Variants in RPS6KA2 observed in about 807,000 individuals in gnomAD.
RPS6KA2 encodes ribosomal protein S6 kinase alpha-2.
RPS6KA2 carries 42 observed loss-of-function variants against 91.8 expected under a neutral mutation model. The ratio of observed to expected loss-of-function variants is 0.46; its 90% confidence interval spans 0.36 to 0.59. The LOEUF is 0.59. Among genes scored for constraint, RPS6KA2 ranks in the 20% least tolerant of loss-of-function variants. RPS6KA2 has a pLI of 0.00. For missense variants in RPS6KA2, 798 were observed against 978.5 expected (o/e 0.82, Z 2.46); for synonymous variants, 414 against 393.6 (o/e 1.05, Z -0.61).
chr6:166,842,923 G>C (rs1045653786), intron 2 of RPS6KA2, among the ~76,000 whole-genome samples: 1 of 152,068 alleles, frequency 6.6e-6, no homozygotes, highest in Admixed American at 6.5e-5. Context: ...GAACTTTATC[G>C]CTGCTGCAGG....
In RPS6KA2 at chr6:166,524,719, C is replaced by G. The variant is rs776549888; in HGVS notation, c.298+6513G>C. On this transcript the variant is annotated intron_variant, in intron 3 of 20. Coordinates refer to ENST00000265678, the MANE Select transcript of RPS6KA2 (RefSeq NM_021135.6). ...TTGAGCCGGCAGCACTCTGCACACT[C>G]TAACAAGGGAGAGCCTCACGTCGGC... 9.9e-5 allele frequency among the ~76,000 whole-genome samples: 15 copies of G among 152,232 alleles called. 1 individual carries two copies. Among genetic ancestry groups the G allele is most frequent in the Non-Finnish European group, 1.9e-4 (13 of 68,042 alleles).
At chr6:166,853,925 C>T (rs757352409) in intron 2 of RPS6KA2, among the ~76,000 whole-genome samples, 11 of 152,238 alleles carry the variant, frequency 7.2e-5, no homozygotes, top group Non-Finnish European at 1.3e-4. Flanking sequence ...GCCAGGGCCT[C>T]GCCTGCTCAC....
At chr6:166,848,848 C>G (rs996927600) in intron 2 of RPS6KA2, among the ~76,000 whole-genome samples, 1 of 151,964 alleles carries the variant, frequency 6.6e-6, no homozygotes, top group Non-Finnish European at 1.5e-5. Flanking sequence ...GAAATCACCA[C>G]TAAAGAACTT....
At chr6:166,861,733 G>C (rs1452716420) in intron 1 of RPS6KA2, among the ~76,000 whole-genome samples, 2 of 152,260 alleles carry the variant, frequency 1.3e-5, no homozygotes, top group Middle Eastern at 6.8e-3. Context: ...CAAATGGAAG[G>C]CTTCTAATTT....
intron 2 of RPS6KA2, among the ~76,000 whole-genome samples, chr6:166,788,158 A>G (rs1236168494): frequency 6.6e-6 from 1 of 152,216 alleles, no homozygotes; most frequent in Non-Finnish European, 1.5e-5. Flanking sequence ...ACTAGTCAGA[A>G]TGGCAATCAT....
At chr6:166,667,517 T>C (rs1483262620) in intron 2 of RPS6KA2, among the ~76,000 whole-genome samples, 6 of 152,202 alleles carry the variant, frequency 3.9e-5, no homozygotes. Context: ...CCTTCTAATG[T>C]CGCCATAGAT....
intron 3 of RPS6KA2, among the ~76,000 whole-genome samples, chr6:166,515,287 G>A (rs1002530978): frequency 2.0e-5 from 3 of 152,204 alleles, no homozygotes; most frequent in Admixed American, 6.5e-5. Context: ...ACTCATGGCC[G>A]ATTCATCAGG....
chr6:166,460,505 G>A (rs898347589), intron 11 of RPS6KA2, among the ~76,000 whole-genome samples: 1 of 152,184 alleles, frequency 6.6e-6, no homozygotes, highest in African/African-American at 2.4e-5. Context: ...GGCACTGGAG[G>A]GAGGACTGGG....
chr6:166,762,765 A>G (rs566007692), intron 2 of RPS6KA2, among the ~76,000 whole-genome samples: 1 of 152,276 alleles, frequency 6.6e-6, no homozygotes, highest in East Asian at 1.9e-4. Flanking sequence ...GACTTCTGGG[A>G]GCCAACAAGG....
At position 166,647,982 on chromosome 6, in the gene RPS6KA2, ACACACACGCACATGCT is replaced by A. The variant is rs1409010766; in HGVS notation, c.124-109214_124-109199del. Among the ~76,000 whole-genome samples, 405 of 104,078 alleles carry A rather than the reference ACACACACGCACATGCT, an allele frequency of 3.9e-3. 2 individuals are homozygous for A. The East Asian group carries it at 0.068, about 17-fold the overall frequency. The allele number at this position is 104,078 out of a possible 152,430, so 68.3% of individuals were successfully genotyped here. ...TGCTTACATACATACACACATGCTC[ACACACACGCACATGCT>A]CACACACGCACATGCTTACACACAT... is the stretch of plus-strand genomic sequence containing the variant. On this transcript the variant is annotated intron_variant, in intron 2 of 21. Coordinates refer to the RPS6KA2 transcript ENST00000503859.
In RPS6KA2 at chr6:166,821,402, G is replaced by A. The variant is rs1019783918; in HGVS notation, c.123+36798C>T. On this transcript the variant is annotated intron_variant, in intron 2 of 21. Coordinates refer to the RPS6KA2 transcript ENST00000503859. The surrounding 1 kb of genome is among the most constrained non-coding windows in gnomAD (Gnocchi z 4.1). Reference sequence around the variant, plus strand: ...GGGTGCGCTTCACATGCGTGGGGCTGTAGGATGGAGGGGTGGAGAGGCAGG... The same window carrying A: ...GGGTGCGCTTCACATGCGTGGGGCTATAGGATGGAGGGGTGGAGAGGCAGG... 2.6e-5 allele frequency among the ~76,000 whole-genome samples: 4 copies of A among 152,124 alleles called. No individual in the cohort carries two copies. In the South Asian group the frequency reaches 8.3e-4, roughly 31 times the overall value.
chr6:166,719,537 C>T (rs759255608), intron 2 of RPS6KA2, among the ~76,000 whole-genome samples: 5 of 152,224 alleles, frequency 3.3e-5, no homozygotes, highest in Non-Finnish European at 5.9e-5. Context: ...TTGAACAACA[C>T]ATGTCTGTGA....
At chr6:166,615,447 A>G (rs1479882108) in intron 1 of RPS6KA2, among the ~76,000 whole-genome samples, 1 of 152,222 alleles carries the variant, frequency 6.6e-6, no homozygotes, top group African/African-American at 2.4e-5. Context: ...ATGATTGAAG[A>G]TATCGGAGGG....
chr6:166,683,752 C>G (rs929503979), intron 2 of RPS6KA2, among the ~76,000 whole-genome samples: 2 of 152,244 alleles, frequency 1.3e-5, no homozygotes, highest in African/African-American at 4.8e-5. Flanking sequence ...TCCAGGGCCT[C>G]ACTCCACCGC....
At chr6:166,468,856 T>TCCGACTCAAAAAA (rs567161437) in intron 11 of RPS6KA2, among the ~76,000 whole-genome samples, 1 of 112,184 alleles carries the variant, frequency 8.9e-6, no homozygotes, top group Non-Finnish European at 1.8e-5. Context: ...AGAGCGAGAC[T>TCCGACTCAAAAAA]AAAAAAAAAA....
chr6:166,774,948 T>A (rs1291219689), intron 2 of RPS6KA2, among the ~76,000 whole-genome samples: 11 of 151,936 alleles, frequency 7.2e-5, no homozygotes, highest in Admixed American at 6.6e-4. Flanking sequence ...CTTCCAGCTT[T>A]TAGGGTTGGG....
chr6:166,621,278 GT>G (rs1450430203), intron 1 of RPS6KA2, among the ~76,000 whole-genome samples: 1 of 152,200 alleles, frequency 6.6e-6, no homozygotes, highest in East Asian at 1.9e-4. Flanking sequence ...TAGGTGTATG[GT>G]TACGCACATT....
rs147360064 is a variant in RPS6KA2, at chr6:166,577,187, C to T, written c.100-38403G>A. Among the ~76,000 whole-genome samples, 757 of 152,314 alleles carry T rather than the reference C, an allele frequency of 5.0e-3. 2 individuals carry two copies. Among genetic ancestry groups the T allele is most frequent in the Admixed American group, 7.1e-3 (109 of 15,306 alleles). On this transcript the variant is annotated intron_variant, in intron 1 of 20. Transcript: ENST00000265678. ...CCCAGGCAAAAGTTTGCTGCAGGGG[C>T]GGGGCCCTCATGGAGAACCTCTGCC...
rs540287681 is a variant in RPS6KA2 at position 166,505,758 on chromosome 6, A to G, written c.460-1146T>C. Among the ~76,000 whole-genome samples the G allele has an allele frequency of 1.6e-3, 242 of 152,316 alleles. 1 individual carries two copies. The highest frequency in any genetic ancestry group is 5.4e-3 in the African/African-American group (225 of 41,578). ...GTGCCAGCCACCCACCGGCCCCCCGAGTCCCCGTCCTCCATTCCACGCTTG... is the reference window on the plus strand; with the variant it reads ...GTGCCAGCCACCCACCGGCCCCCCGGGTCCCCGTCCTCCATTCCACGCTTG... On this transcript the variant is annotated intron_variant, in intron 5 of 20. Coordinates refer to ENST00000265678, the MANE Select transcript of RPS6KA2 (RefSeq NM_021135.6).
Sources: allele counts gnomAD v4.1 joint callset (sites outside exome capture counted in the v4.1 genomes callset), GRCh38; gene constraint gnomAD v4.1.1; non-coding constraint Gnocchi (gnomAD v3.1); transcripts MANE v1.5; gene names NCBI Gene and HGNC (gene_info 2026-07-23, HGNC 2026-07-21).